Variants in MTIF2 observed in about 807,000 individuals in gnomAD.
The protein encoded by MTIF2 is mitochondrial translational initiation factor 2, also known as translation initiation factor IF-2, mitochondrial.
MTIF2 carries 71 observed loss-of-function variants against 83.5 expected under a neutral mutation model. That is an observed-to-expected ratio of 0.85 (90% CI 0.70 to 1.04). The LOEUF (loss-of-function observed/expected upper bound fraction) is 1.04, where lower values mean the gene tolerates loss of function less well. Ranked by LOEUF, MTIF2 falls within the 50% of genes least tolerant of loss-of-function variation. The probability of loss-of-function intolerance (pLI) is 0.00; values close to 1 mark genes in which losing one functional copy is unlikely to be tolerated. For missense variants in MTIF2, 957 were observed against 846.5 expected (o/e 1.13, Z -1.62); for synonymous variants, 319 against 287.1 (o/e 1.11, Z -1.12).
intron 5 of MTIF2, among the ~76,000 whole-genome samples, chr2:55,259,339 T>G (rs1277473245): frequency 6.6e-6 from 1 of 152,112 alleles, no homozygotes; most frequent in Non-Finnish European, 1.5e-5. Context: ...GAATATGAAA[T>G]AAGCTTCAAA....
chr2:55,252,041 T>A (rs1259189440), intron 8 of MTIF2, among the ~76,000 whole-genome samples: 1 of 152,194 alleles, frequency 6.6e-6, no homozygotes, highest in African/African-American at 2.4e-5. Context: ...TTTGATCAGA[T>A]AAGAACTTAT....
At chr2:55,240,218 C>T (rs1558549736) in intron 13 of MTIF2, 43 bp from the exon 14 acceptor site, 1 of 1,451,242 alleles carries the variant, frequency 6.9e-7, no homozygotes, top group Non-Finnish European at 9.4e-7. Flanking sequence ...ACAACGATTA[C>T]ATTATAATCA....
At chr2:55,266,270 T>C (rs949351877) in intron 3 of MTIF2, 3 of 152,182 alleles carry the variant, frequency 2.0e-5, no homozygotes, top group African/African-American at 7.2e-5. Context: ...ATGCCTGTAA[T>C]CTCAGCACTG....
Position 55,249,446 on chromosome 2 carries a change from T to G in MTIF2, c.930A>C (p.Val310=), listed in dbSNP as rs1676935611. The G allele has an allele frequency of 6.2e-7, 1 of 1,614,062 alleles. No homozygotes were observed. The highest frequency in any genetic ancestry group is 2.2e-5 in the East Asian group (1 of 44,888). ...VKKELLAYDV[V]CEDYGGDVQA... ...GAACATCACCTCCATAATCTTCACA[T>G]ACCACATCGTAAGCCAGCAGCTCTT... The change falls in exon 9 of 16, where the codon GTA becomes GTC. Residue 310 remains valine (V), a synonymous_variant. Coordinates refer to ENST00000263629, the MANE Select transcript of MTIF2 (RefSeq NM_002453.3).
rs1211460842 is a variant in MTIF2, at chr2:55,254,161, C to A, written c.544G>T (p.Val182Phe). The change falls in exon 7 of 16, where the codon GTT (valine) becomes TTT (phenylalanine). Residue 182 changes from valine to phenylalanine, a missense_variant. Transcript: ENST00000263629. The stretch of plus-strand genomic sequence containing the variant: ...TCAACATGGCCCATTATAGTAACAA[C>A]TGGGGACCTTGGGGTTAATAAAGCT... Reference protein sequence around the residue: ...DPALLTPRSPVVTIMGHVDHG... With the variant: ...DPALLTPRSPFVTIMGHVDHG... 6.2e-7 allele frequency: 1 copy of A among 1,614,134 alleles called. No homozygotes were observed. Among genetic ancestry groups the A allele is most frequent in the East Asian group, 2.2e-5 (1 of 44,874 alleles).
chr2:55,252,692 C>G, intron 7 of MTIF2, 39 bp from the exon 8 acceptor site: 5 of 1,494,478 alleles, frequency 3.3e-6, no homozygotes, highest in Non-Finnish European at 4.6e-6. Context: ...AGGATTCAAA[C>G]ATGTACTTCC....
intron 8 of MTIF2, among the ~76,000 whole-genome samples, chr2:55,250,794 T>G (rs372836345): frequency 2.4e-4 from 36 of 152,184 alleles, no homozygotes; most frequent in African/African-American, 8.2e-4. Flanking sequence ...ACAAAAAAGT[T>G]TTGCAATCCA....
intron 8 of MTIF2, among the ~76,000 whole-genome samples, chr2:55,249,806 G>A (rs1000241597): frequency 6.6e-6 from 1 of 151,980 alleles, no homozygotes; most frequent in African/African-American, 2.4e-5. Context: ...AAACAATACA[G>A]TCGGGCTGGG....
intron 10 of MTIF2, among the ~76,000 whole-genome samples, chr2:55,245,986 C>A (rs1399882258): frequency 6.6e-6 from 1 of 152,122 alleles, no homozygotes; most frequent in African/African-American, 2.4e-5. Flanking sequence ...ATAAAGAATT[C>A]ACAAACCCTA....
chr2:55,240,180 C>CTA lies in MTIF2; in HGVS notation c.1706-6_1706-5insTA. 6.2e-7 allele frequency: 1 copy of CTA among 1,601,918 alleles called. No homozygotes were observed. On this transcript the variant is annotated splice_region_variant and splice_polypyrimidine_tract_variant and intron_variant, in intron 13 of 15. Coordinates refer to ENST00000263629, the MANE Select transcript of MTIF2 (RefSeq NM_002453.3). ...CATTAAAGCCATATATAACACCTAG[C>CTA]AAACAGAAATATGATCAATGAAGTA...
Position 55,246,317 on chromosome 2 carries a change from A to T in MTIF2, c.1106+20T>A. On this transcript the variant is annotated intron_variant, in intron 10 of 15. Coordinates refer to ENST00000263629, the MANE Select transcript of MTIF2 (RefSeq NM_002453.3). ...AAACCACAGAACAAATTAAAAAGGCAAGCATTTTAAGAGTCCTACCCTCTT... is the reference window on the plus strand; with the variant it reads ...AAACCACAGAACAAATTAAAAAGGCTAGCATTTTAAGAGTCCTACCCTCTT... 1 of 1,577,620 alleles carries T rather than the reference A, an allele frequency of 6.3e-7. No homozygotes were observed. Among genetic ancestry groups the T allele is most frequent in the Non-Finnish European group, 8.6e-7 (1 of 1,160,450 alleles).
At chr2:55,244,794 C>T (rs1296817768) in intron 10 of MTIF2, among the ~76,000 whole-genome samples, 1 of 152,036 alleles carries the variant, frequency 6.6e-6, no homozygotes, top group East Asian at 1.9e-4. Flanking sequence ...CACCTGTAAT[C>T]CCAGTACTTT....
intron 3 of MTIF2, among the ~76,000 whole-genome samples, chr2:55,265,520 G>GT (rs1359676788): frequency 6.6e-6 from 1 of 151,324 alleles, no homozygotes; most frequent in African/African-American, 2.4e-5. Context: ...TCATTTTAAG[G>GT]TTTTTTTTGT....
intron 3 of MTIF2, among the ~76,000 whole-genome samples, chr2:55,265,806 G>A (rs897722506): frequency 6.6e-5 from 10 of 151,970 alleles, no homozygotes; most frequent in Admixed American, 2.0e-4. Flanking sequence ...TTGTATCCAT[G>A]TGTTCCACAT....
intron 5 of MTIF2, among the ~76,000 whole-genome samples, chr2:55,256,583 T>C (rs1677554198): frequency 6.7e-6 from 1 of 150,166 alleles, no homozygotes; most frequent in African/African-American, 2.4e-5. Context: ...GCGGCACCTG[T>C]AGTCCCAGCT....
rs756137389 is a variant in MTIF2, at chr2:55,249,395, C to T, written c.981G>A (p.Thr327=). The part of the protein sequence containing the change: ...DVQAVPVSAL[T]GDNLMALAEA... ...ATTTATATGAGGTCCCCGCATTTAC[C>T]GTAAGTGCGGAGACAGGCACTGCTT... Residue 327 remains threonine, a splice_region_variant and synonymous_variant, in exon 9 of 16, where the codon ACG becomes ACA. Coordinates refer to ENST00000263629, the MANE Select transcript of MTIF2 (RefSeq NM_002453.3). The T allele has an allele frequency of 4.3e-6, 7 of 1,613,770 alleles. No homozygotes were observed. The highest frequency in any genetic ancestry group is 2.2e-5 in the East Asian group (1 of 44,880).
intron 9 of MTIF2, among the ~76,000 whole-genome samples, chr2:55,247,215 C>T (rs1573872442): frequency 6.6e-6 from 1 of 152,318 alleles, no homozygotes; most frequent in Middle Eastern, 3.4e-3. Flanking sequence ...TATTTTTCCA[C>T]TCCTCTTATC....
At position 55,243,581 on chromosome 2, in the gene MTIF2, G is replaced by T; in HGVS notation, c.1399C>A (p.Arg467=). 1 of 1,613,824 alleles carries T rather than the reference G, an allele frequency of 6.2e-7. No homozygotes were observed. The change falls in exon 12 of 16, where the codon CGA becomes AGA. Residue 467 remains arginine, a synonymous_variant. Coordinates refer to ENST00000263629, the MANE Select transcript of MTIF2 (RefSeq NM_002453.3). ...TGATGTGCTTCTTTGTGTTCCTTTC[G>T]CTTTTCTTCTATTATTTTCAGATCC... ...QEDLKIIEEK[R]KEHKEAHQKA...
intron 14 of MTIF2, among the ~76,000 whole-genome samples, chr2:55,238,452 G>A (rs556901144): frequency 2.0e-5 from 3 of 146,808 alleles, no homozygotes; most frequent in South Asian, 2.1e-4. Flanking sequence ...GTGCAATGGC[G>A]CGATCTTGGC....
Sources: gnomAD v4.1 joint callset for allele counts (sites outside exome capture counted in the v4.1 genomes callset) on GRCh38, gnomAD v4.1.1 for gene constraint, MANE v1.5 for transcripts, NCBI Gene and HGNC (gene_info 2026-07-23, HGNC 2026-07-21) for gene names.